Variants in BCL2L1 observed in about 807,000 individuals in gnomAD.
BCL2L1 encodes the protein BCL2 like 1.
In BCL2L1, 1 loss-of-function variant was observed where a neutral mutation model predicts 18.7. The ratio of observed to expected loss-of-function variants is 0.05; its 90% CI spans 0.02 to 0.25. The LOEUF (loss-of-function observed/expected upper bound fraction) is 0.25. BCL2L1 is among the 10% of genes least tolerant of loss of function. The pLI is 1.00. For synonymous variants in BCL2L1, 103 were observed against 122.7 expected, an observed-to-expected ratio of 0.84 and a Z score of 1.06; for missense variants, 207 against 304.9, an observed-to-expected ratio of 0.68 and a Z score of 2.39.
rs150731822 is a variant in BCL2L1, at chr20:31,687,012, T to C, written c.565-20926A>G. Among the ~76,000 whole-genome samples, 40 of 152,306 alleles carry C rather than the reference T, an allele frequency of 2.6e-4. 2 individuals are homozygous for C. Among genetic ancestry groups the C allele is most frequent in the Admixed American group, 6.5e-5 (1 of 15,290 alleles). ...TAACATGTTTCCCAAGAAGGATTAT[T>C]GTGAAGATTAAAAATACTACACTGG... On this transcript the variant is annotated intron_variant, in intron 2 of 2. Coordinates refer to ENST00000307677, the MANE Select transcript of BCL2L1 (RefSeq NM_138578.3).
In BCL2L1 at chr20:31,665,503, T is replaced by TGG. The variant is rs1308337516; in HGVS notation, c.*444_*445dup. On this transcript the variant is annotated 3_prime_UTR_variant, in exon 3 of 3. Coordinates refer to ENST00000307677, the MANE Select transcript of BCL2L1 (RefSeq NM_138578.3). ...GGAACCCAGGTTAGTGTGGGGAGAG[T>TGG]GGGGGGAAAATGATCAATTCTGAGG... 6.2e-6 allele frequency: 1 copy of TGG among 160,628 alleles called. No homozygotes were observed. The highest frequency in any genetic ancestry group is 6.4e-5 in the Admixed American group (1 of 15,628). 10.0% of individuals were successfully genotyped at this position (160,628 alleles called of 1,614,324 possible).
chr20:31,683,769 CAAAAAAAAA>C (rs372160646), intron 2 of BCL2L1, among the ~76,000 whole-genome samples: 198 of 80,398 alleles, frequency 2.5e-3, no homozygotes, highest in African/African-American at 4.7e-3. Context: ...AACTCCATCT[CAAAAAAAAA>C]AAAAAAAAAA....
intron 2 of BCL2L1, among the ~76,000 whole-genome samples, chr20:31,686,954 C>T (rs1158440318): frequency 6.6e-6 from 1 of 152,160 alleles, no homozygotes; most frequent in East Asian, 1.9e-4. Flanking sequence ...ACTTACTTTA[C>T]ACTCAGTTTT....
At chr20:31,695,611 C>T (rs2061154039) in intron 2 of BCL2L1, among the ~76,000 whole-genome samples, 1 of 152,216 alleles carries the variant, frequency 6.6e-6, no homozygotes, top group Non-Finnish European at 1.5e-5. Flanking sequence ...GCTAGGACTA[C>T]AGACATGCAC....
At chr20:31,695,306 C>T (rs1035291167) in intron 2 of BCL2L1, among the ~76,000 whole-genome samples, 1 of 152,232 alleles carries the variant, frequency 6.6e-6, no homozygotes, top group African/African-American at 2.4e-5. Flanking sequence ...ATCCTCCATG[C>T]CTTTCCACTG....
At chr20:31,704,579 C>A (rs2061341630) in intron 2 of BCL2L1, among the ~76,000 whole-genome samples, 1 of 152,138 alleles carries the variant, frequency 6.6e-6, no homozygotes, top group Admixed American at 6.5e-5. Context: ...TTGCCCTTGG[C>A]CGGAGTAGGG....
At position 31,721,820 on chromosome 20, in the gene BCL2L1, A is replaced by G; in HGVS notation, c.399T>C (p.Asp133=). 6.2e-7 allele frequency: 1 copy of G among 1,614,146 alleles called. No individual in the cohort carries two copies. The highest frequency in any genetic ancestry group is 8.5e-7 in the Non-Finnish European group (1 of 1,180,036). ...CCACAATGCGACCCCAGTTTACCCC[A>G]TCCCGGAAGAGTTCATTCACTACCT... The part of the protein sequence containing the change: ...FEQVVNELFR[D]GVNWGRIVAF... Residue 133 remains aspartate, a synonymous_variant, in exon 2 of 3, where the codon GAT becomes GAC. Coordinates refer to ENST00000307677, the MANE Select transcript of BCL2L1 (RefSeq NM_138578.3).
chr20:31,680,488 G>A (rs146507077), intron 2 of BCL2L1, among the ~76,000 whole-genome samples: 238 of 152,278 alleles, frequency 1.6e-3, no homozygotes, highest in African/African-American at 5.6e-3. Flanking sequence ...GACAGTACTT[G>A]CAGAGAGAGT....
intron 2 of BCL2L1, among the ~76,000 whole-genome samples, chr20:31,691,293 C>T (rs181893576): frequency 1.5e-4 from 22 of 149,878 alleles, no homozygotes; most frequent in African/African-American, 5.4e-4. Context: ...CATGGAGGCT[C>T]ACTTGAGGTC....
At chr20:31,668,184 C>T (rs1315230093) in intron 2 of BCL2L1, among the ~76,000 whole-genome samples, 2 of 152,016 alleles carry the variant, frequency 1.3e-5, no homozygotes, top group Non-Finnish European at 2.9e-5. Flanking sequence ...TCGCCTGCCT[C>T]ACTCCCTCAT....
At chr20:31,669,062 T>A (rs938685260) in intron 2 of BCL2L1, among the ~76,000 whole-genome samples, 5 of 151,970 alleles carry the variant, frequency 3.3e-5, no homozygotes, top group African/African-American at 1.2e-4. Flanking sequence ...ATTTTTTAAT[T>A]TTTAAATTTT....
chr20:31,674,874 C>CAA (rs11372425), intron 2 of BCL2L1, among the ~76,000 whole-genome samples: 202 of 74,566 alleles, frequency 2.7e-3, no homozygotes, highest in Admixed American at 5.3e-3. Context: ...GACCCCGTCT[C>CAA]AAAAAAAAAA....
At chr20:31,698,465 G>A (rs1383486407) in intron 2 of BCL2L1, among the ~76,000 whole-genome samples, 1 of 151,942 alleles carries the variant, frequency 6.6e-6, no homozygotes, top group African/African-American at 2.4e-5. Context: ...TGAATTCCTG[G>A]GCTCAAGTGA....
chr20:31,723,198 C>T, upstream of BCL2L1: 4 of 839,516 alleles, frequency 4.8e-6, no homozygotes, highest in Non-Finnish European at 5.7e-6. Flanking sequence ...CCGGAGACCC[C>T]CAACAAATGC....
intron 2 of BCL2L1, among the ~76,000 whole-genome samples, chr20:31,684,975 C>T (rs907026326): frequency 4.6e-5 from 7 of 152,124 alleles, no homozygotes; most frequent in African/African-American, 1.7e-4. Context: ...CTGGGATAGG[C>T]GAGAAGGCTG....
At chr20:31,686,011 T>C (rs2060950049) in intron 2 of BCL2L1, among the ~76,000 whole-genome samples, 1 of 152,186 alleles carries the variant, frequency 6.6e-6, no homozygotes. Flanking sequence ...GAACCTGTTC[T>C]TTACTTGACA....
intron 2 of BCL2L1, among the ~76,000 whole-genome samples, chr20:31,690,005 C>T (rs571679335): frequency 1.9e-4 from 29 of 152,206 alleles, no homozygotes; most frequent in African/African-American, 6.5e-4. Context: ...GCAACAAGAG[C>T]GAAACTCTGT....
At chr20:31,720,964 C>T (rs560417513) in intron 2 of BCL2L1, 1 of 985,428 alleles carries the variant, frequency 1.0e-6, no homozygotes, top group East Asian at 1.1e-4. Flanking sequence ...TGTGACACAG[C>T]AAGTGCTCCA....
chr20:31,675,605 C>G (rs926734936), intron 2 of BCL2L1, among the ~76,000 whole-genome samples: 23 of 152,150 alleles, frequency 1.5e-4, no homozygotes, highest in Non-Finnish European at 2.5e-4. Context: ...TCCTCTCCCC[C>G]ACGGAAACAT....
Sources: allele counts gnomAD v4.1 joint callset (sites outside exome capture counted in the v4.1 genomes callset), GRCh38; gene constraint gnomAD v4.1.1; transcripts MANE v1.5; gene names NCBI Gene and HGNC (gene_info 2026-07-23, HGNC 2026-07-21).